The following SV2C variants were observed in gnomAD, a reference collection of about 807,000 sequenced individuals.
SV2C encodes the protein synaptic vesicle glycoprotein 2C.
SV2C carries 49 observed loss-of-function variants against 79.7 expected under a neutral mutation model. That is an observed-to-expected ratio of 0.61 (90% CI 0.49 to 0.78). SV2C has a LOEUF of 0.78. Among genes scored for constraint, SV2C ranks in the 30% least tolerant of loss-of-function variants. The pLI is 0.00. For missense variants in SV2C, 833 were observed against 912.9 expected, an observed-to-expected ratio of 0.91 and a Z score of 1.13; for synonymous variants, 334 against 333.2, an observed-to-expected ratio of 1.00 and a Z score of -0.03.
chr5:75,871,412 A>G, the SV2C span, among the ~76,000 whole-genome samples: 1 of 152,204 alleles, frequency 6.6e-6, no homozygotes, highest in Non-Finnish European at 1.5e-5. Context: ...TGGAAAATAA[A>G]AATAAAAATT....
At chr5:76,341,204 T>A (rs909488932) in intron 12 of SV2C, among the ~76,000 whole-genome samples, 3 of 152,130 alleles carry the variant, frequency 2.0e-5, no homozygotes, top group African/African-American at 7.2e-5. Context: ...GTGCTGGGAT[T>A]ACAGATGTGA....
the SV2C span, among the ~76,000 whole-genome samples, chr5:75,869,503 G>A: frequency 6.6e-6 from 1 of 152,150 alleles, no homozygotes; most frequent in Non-Finnish European, 1.5e-5. Flanking sequence ...TAGAACACCA[G>A]GTAGACCCCT....
intron 2 of SV2C, among the ~76,000 whole-genome samples, chr5:76,180,012 A>G (rs1034414208): frequency 6.6e-6 from 1 of 152,168 alleles, no homozygotes; most frequent in African/African-American, 2.4e-5. Flanking sequence ...TTATTTTCCT[A>G]TGAATGTTGA....
At chr5:76,339,489 C>T (rs781046226) in intron 12 of SV2C, among the ~76,000 whole-genome samples, 6 of 151,906 alleles carry the variant, frequency 3.9e-5, no homozygotes, top group Non-Finnish European at 5.9e-5. Context: ...CCAAGGCGGG[C>T]GGATCACGAG....
chr5:76,108,150 CAG>C (rs1402032774), intron 1 of SV2C, among the ~76,000 whole-genome samples: 2 of 152,080 alleles, frequency 1.3e-5, no homozygotes, highest in African/African-American at 2.4e-5. Flanking sequence ...CTGTGATTGA[CAG>C]AGAGTGGGGA....
chr5:75,984,574 TCTATCTATCTATCTATCTATCTAC>T, the SV2C span, among the ~76,000 whole-genome samples: 1,899 of 83,204 alleles, frequency 0.023, 15 homozygotes, highest in Non-Finnish European at 0.048. Context: ...TCTATATCTA[TCTATCTATCTATCTATCTATCTAC>T]CTATCTATCT....
At chr5:76,163,834 A>G (rs892903755) in intron 2 of SV2C, among the ~76,000 whole-genome samples, 1 of 152,158 alleles carries the variant, frequency 6.6e-6, no homozygotes, top group Non-Finnish European at 1.5e-5. Flanking sequence ...AGAAGCTTTT[A>G]TGTATTCTTT....
At chr5:76,163,303 C>A (rs576954171) in intron 2 of SV2C, among the ~76,000 whole-genome samples, 1 of 152,150 alleles carries the variant, frequency 6.6e-6, no homozygotes, top group Non-Finnish European at 1.5e-5. Context: ...TGGCACAGTT[C>A]CTGACATTAT....
At chr5:76,313,498 A>G (rs1474972433) in intron 12 of SV2C, among the ~76,000 whole-genome samples, 1 of 152,202 alleles carries the variant, frequency 6.6e-6, no homozygotes, top group Non-Finnish European at 1.5e-5. Context: ...TTACAATGGA[A>G]GCAAATCCTG....
chr5:76,120,282 T>C (rs1580281083), intron 1 of SV2C, among the ~76,000 whole-genome samples: 1 of 95,110 alleles, frequency 1.1e-5, no homozygotes, highest in Non-Finnish European at 1.8e-5. Context: ...CAAATAACAT[T>C]TCTTTTTTTT....
At chr5:76,120,702 A>C (rs977426819) in intron 1 of SV2C, among the ~76,000 whole-genome samples, 6 of 150,278 alleles carry the variant, frequency 4.0e-5, no homozygotes, top group African/African-American at 1.0e-4. Context: ...TGAACTCATC[A>C]TTTTTTATGG....
intron 3 of SV2C, among the ~76,000 whole-genome samples, chr5:76,197,029 G>A (rs538295405): frequency 2.1e-3 from 313 of 152,312 alleles, no homozygotes; most frequent in Middle Eastern, 3.4e-3. Context: ...CAGGACTCCC[G>A]GGGGCTGGGA....
chr5:76,051,872 A>T, the SV2C span, among the ~76,000 whole-genome samples: 1 of 152,234 alleles, frequency 6.6e-6, no homozygotes, highest in South Asian at 2.1e-4. Context: ...GAAAAAAATG[A>T]GGGTAATAAT....
At chr5:76,005,319 A>G in the SV2C span, among the ~76,000 whole-genome samples, 1 of 152,240 alleles carries the variant, frequency 6.6e-6, no homozygotes, top group African/African-American at 2.4e-5. Flanking sequence ...GAAAGACCAA[A>G]GCCTTAAACT....
At chr5:75,984,586 T>TCTATCTAC in the SV2C span, among the ~76,000 whole-genome samples, 15 of 122,878 alleles carry the variant, frequency 1.2e-4, no homozygotes, top group African/African-American at 4.3e-4. Context: ...TATCTATCTA[T>TCTATCTAC]CTATCTATCT....
chr5:75,848,700 G>T, the SV2C span, among the ~76,000 whole-genome samples: 21,899 of 152,084 alleles, frequency 0.14, 1,890 homozygotes, highest in African/African-American at 0.24. Flanking sequence ...GGAGGGGTTG[G>T]GGGGTGTGTA....
the SV2C span, among the ~76,000 whole-genome samples, chr5:75,875,618 A>G: frequency 6.6e-6 from 1 of 152,226 alleles, no homozygotes; most frequent in East Asian, 1.9e-4. Flanking sequence ...GCATAGCAAA[A>G]GAAACTATCA....
At chr5:76,322,203 A>G (rs181462935) in intron 12 of SV2C, among the ~76,000 whole-genome samples, 9 of 152,222 alleles carry the variant, frequency 5.9e-5, no homozygotes, top group African/African-American at 1.9e-4. Context: ...AGGATACAAA[A>G]TCAACGTGCA....
chr5:76,228,311 T>C (rs534332972), intron 4 of SV2C, among the ~76,000 whole-genome samples: 1 of 152,328 alleles, frequency 6.6e-6, no homozygotes, highest in African/African-American at 2.4e-5. Context: ...TGAACAGGGC[T>C]GAGCTGTATG....
Sources: gnomAD v4.1 joint callset for allele counts (sites outside exome capture counted in the v4.1 genomes callset) on GRCh38, gnomAD v4.1.1 for gene constraint, MANE v1.5 for transcripts, NCBI Gene and HGNC (gene_info 2026-07-23, HGNC 2026-07-21) for gene names.